ADGRL3: variants seen among roughly 807,000 people sequenced by gnomAD.
ADGRL3 encodes the protein adhesion G protein-coupled receptor L3.
Under a neutral mutation model 153.5 loss-of-function variants are expected in ADGRL3, and 62 were observed. The observed-to-expected ratio is 0.40, with a 90% confidence interval of 0.33 to 0.50. ADGRL3 has a LOEUF of 0.50. ADGRL3 is among the 20% of genes least tolerant of loss of function. The pLI is 0.47. For missense variants in ADGRL3, 1,641 were observed against 1,859.4 expected, an observed-to-expected ratio of 0.88 and a Z score of 2.16; for synonymous variants, 710 against 672.5, an observed-to-expected ratio of 1.06 and a Z score of -0.86.
At chr4:61,239,011 A>G (rs977410130) in intron 1 of ADGRL3, among the ~76,000 whole-genome samples, 3 of 152,100 alleles carry the variant, frequency 2.0e-5, no homozygotes, top group African/African-American at 7.2e-5. Flanking sequence ...GTAAGTTTCT[A>G]CCTACTCTCC....
At chr4:61,587,549 A>T (rs970344225) in intron 5 of ADGRL3, 109 bp downstream of exon 5, 4 of 815,150 alleles carry the variant, frequency 4.9e-6, no homozygotes, top group Non-Finnish European at 7.5e-6. Context: ...ATTTTAGGAC[A>T]CTTCAAAATA....
chr4:61,836,838 C>T (rs2097943510), intron 9 of ADGRL3, among the ~76,000 whole-genome samples: 1 of 152,030 alleles, frequency 6.6e-6, no homozygotes, highest in South Asian at 2.1e-4. Flanking sequence ...TAAAATATGA[C>T]TTCTACCTCA....
chr4:61,996,163 A>G (rs867743176), intron 19 of ADGRL3, 128 bp from the exon 20 acceptor site: 35 of 643,576 alleles, frequency 5.4e-5, no homozygotes, highest in African/African-American at 5.0e-4. Flanking sequence ...ATGAACAAGC[A>G]ATGTAATATT....
At chr4:61,843,616 G>C (rs577241020) in intron 9 of ADGRL3, among the ~76,000 whole-genome samples, 1 of 152,030 alleles carries the variant, frequency 6.6e-6, no homozygotes, top group South Asian at 2.1e-4. Flanking sequence ...TTTTTTCCTC[G>C]AAAGAGAAAA....
chr4:61,423,695 A>G (rs1438337963), intron 2 of ADGRL3, among the ~76,000 whole-genome samples: 1 of 152,180 alleles, frequency 6.6e-6, no homozygotes, highest in East Asian at 1.9e-4. Context: ...GGAGAGGGTC[A>G]TGATTGTGAG....
intron 8 of ADGRL3, among the ~76,000 whole-genome samples, chr4:61,780,442 A>AT (rs1429609332): frequency 6.6e-6 from 1 of 152,328 alleles, no homozygotes. Flanking sequence ...ACCTGTTAGT[A>AT]TAGGTTAAAG....
rs1578019515 is a variant in ADGRL3 at position 61,261,186 on chromosome 4, CTTCTTTTTTT to C, written c.-240+59424_-240+59433del. On this transcript the variant is annotated intron_variant, in intron 1 of 26. Transcript: ENST00000683033. ...GCTATTTTTTGTTCTTTTTCATCTT[CTTCTTTTTTT>C]TTTTTTTTTTTTTTTAAAGGAGACA... Among the ~76,000 whole-genome samples, 8 of 89,390 alleles carry C rather than the reference CTTCTTTTTTT, an allele frequency of 8.9e-5. No individual in the cohort carries two copies. In the East Asian group the frequency reaches 1.0e-3, roughly 12 times the overall value. The allele number at this position is 89,390 out of a possible 152,430, so 58.6% of individuals were successfully genotyped here.
chr4:61,844,985 G>C (rs1171680182), intron 9 of ADGRL3, among the ~76,000 whole-genome samples: 1 of 152,036 alleles, frequency 6.6e-6, no homozygotes, highest in Non-Finnish European at 1.5e-5. Context: ...TCAATATTAA[G>C]AAAGAAAATA....
At chr4:61,879,414 C>G (rs2149467729) in intron 9 of ADGRL3, among the ~76,000 whole-genome samples, 1 of 152,180 alleles carries the variant, frequency 6.6e-6, no homozygotes, top group African/African-American at 2.4e-5. Flanking sequence ...TGATAGGATC[C>G]AAGTCTAAAC....
intron 1 of ADGRL3, among the ~76,000 whole-genome samples, chr4:61,353,150 T>A (rs1198873416): frequency 6.6e-6 from 1 of 152,182 alleles, no homozygotes; most frequent in African/African-American, 2.4e-5. Flanking sequence ...TTGTCCTTTA[T>A]TTGTGTGCTA....
intron 2 of ADGRL3, among the ~76,000 whole-genome samples, chr4:61,437,651 C>T (rs1164298906): frequency 1.3e-5 from 2 of 152,144 alleles, no homozygotes; most frequent in Non-Finnish European, 2.9e-5. Flanking sequence ...TCATTTTCAT[C>T]CTATAATTCT....
chr4:61,467,101 C>T (rs929453514), intron 2 of ADGRL3, among the ~76,000 whole-genome samples: 11 of 151,910 alleles, frequency 7.2e-5, no homozygotes, highest in Middle Eastern at 3.2e-3. Context: ...AATAATAGGA[C>T]GCAAGCTGAA....
intron 1 of ADGRL3, among the ~76,000 whole-genome samples, chr4:61,322,988 G>T (rs1488689436): frequency 6.6e-6 from 1 of 152,210 alleles, no homozygotes; most frequent in Non-Finnish European, 1.5e-5. Context: ...GCAAACTTCT[G>T]CCTGGGCATC....
intron 6 of ADGRL3, among the ~76,000 whole-genome samples, chr4:61,717,527 T>C (rs1244044097): frequency 6.6e-6 from 1 of 152,170 alleles, no homozygotes; most frequent in Non-Finnish European, 1.5e-5. Flanking sequence ...TGCTCCTCAC[T>C]TGTTTTATCT....
chr4:61,467,011 A>G (rs2097892678), intron 2 of ADGRL3, among the ~76,000 whole-genome samples: 1 of 152,136 alleles, frequency 6.6e-6, no homozygotes. Flanking sequence ...AAAAGTAACT[A>G]TGTATGAATT....
At chr4:61,277,237 T>C (rs1422736739) in intron 1 of ADGRL3, among the ~76,000 whole-genome samples, 1 of 152,156 alleles carries the variant, frequency 6.6e-6, no homozygotes, top group Non-Finnish European at 1.5e-5. Flanking sequence ...AAGTTCTACA[T>C]TTTCTGAATG....
At chr4:61,215,119 C>T (rs1193394218) in intron 1 of ADGRL3, among the ~76,000 whole-genome samples, 1 of 152,146 alleles carries the variant, frequency 6.6e-6, no homozygotes, top group Non-Finnish European at 1.5e-5. Flanking sequence ...TAAACAATAT[C>T]TTTGAGACTT....
At chr4:61,755,048 T>C (rs539180132) in intron 8 of ADGRL3, among the ~76,000 whole-genome samples, 4 of 152,318 alleles carry the variant, frequency 2.6e-5, no homozygotes, top group South Asian at 2.1e-4. Context: ...TTCCAAGTCT[T>C]TGCTATTGTG....
At chr4:61,822,485 T>A (rs1253554135) in intron 9 of ADGRL3, among the ~76,000 whole-genome samples, 2 of 152,210 alleles carry the variant, frequency 1.3e-5, no homozygotes, top group Non-Finnish European at 2.9e-5. Flanking sequence ...ATAATACTAA[T>A]AGAATGTGTT....
Sources: allele counts gnomAD v4.1 joint callset (sites outside exome capture counted in the v4.1 genomes callset), GRCh38; gene constraint gnomAD v4.1.1; transcripts MANE v1.5; gene names NCBI Gene and HGNC (gene_info 2026-07-23, HGNC 2026-07-21).